LHFPL3: variants seen among roughly 807,000 people sequenced by gnomAD.
LHFPL3 encodes the protein LHFPL tetraspan subfamily member 3.
Under a neutral mutation model 19.3 loss-of-function variants are expected in LHFPL3, and 5 were observed. That is an observed-to-expected ratio of 0.26 (90% CI 0.14 to 0.54). LHFPL3 has a LOEUF of 0.54. Ranked by LOEUF, LHFPL3 falls within the 20% of genes least tolerant of loss-of-function variation. The probability of loss-of-function intolerance (pLI) is 0.94; values close to 1 mark genes in which losing one functional copy is unlikely to be tolerated. For missense variants in LHFPL3, 249 were observed against 307.4 expected (o/e 0.81, Z 1.42); for synonymous variants, 133 against 126.2 (o/e 1.05, Z -0.36).
chr7:104,746,311 CA>C (rs547925139), intron 2 of LHFPL3, among the ~76,000 whole-genome samples: 14 of 146,782 alleles, frequency 9.5e-5, no homozygotes, highest in African/African-American at 2.5e-4. Context: ...GACTCCATCT[CA>C]AAAAAAAAAG....
At position 104,515,218 on chromosome 7, in the gene LHFPL3, C is replaced by T. The variant is rs547827262; in HGVS notation, c.445+185994C>T. Among the ~76,000 whole-genome samples, 2 of 152,306 alleles carry T rather than the reference C, an allele frequency of 1.3e-5. 1 individual carries two copies. The highest frequency in any genetic ancestry group is 4.8e-5 in the African/African-American group (2 of 41,578). On this transcript the variant is annotated intron_variant, in intron 1 of 2. Coordinates refer to ENST00000424859, the MANE Select transcript of LHFPL3 (RefSeq NM_199000.3). ...TCAAAATAGCAGTTTAAAAACACAT[C>T]TTTCCATCCAAATGCCCAGGGGGAT... is the stretch of plus-strand genomic sequence containing the variant.
At chr7:104,521,361 C>T (rs1461732790) in intron 1 of LHFPL3, among the ~76,000 whole-genome samples, 1 of 152,124 alleles carries the variant, frequency 6.6e-6, no homozygotes, top group Non-Finnish European at 1.5e-5. Context: ...GAGTGCTTTA[C>T]TTCCAAGTAT....
intron 1 of LHFPL3, among the ~76,000 whole-genome samples, chr7:104,365,023 G>T (rs1469224387): frequency 2.0e-5 from 3 of 152,158 alleles, no homozygotes; most frequent in Non-Finnish European, 4.4e-5. Context: ...GAGCAGGCTG[G>T]GTGTGGTGGC....
At chr7:104,504,501 A>T (rs536465169) in intron 1 of LHFPL3, among the ~76,000 whole-genome samples, 2 of 152,318 alleles carry the variant, frequency 1.3e-5, no homozygotes, top group South Asian at 2.1e-4. Flanking sequence ...AAAAATATCA[A>T]TGTTATTTTG....
chr7:104,868,187 C>A (rs2116652551), intron 2 of LHFPL3, among the ~76,000 whole-genome samples: 1 of 152,234 alleles, frequency 6.6e-6, no homozygotes, highest in Non-Finnish European at 1.5e-5. Flanking sequence ...GATGCCCTCT[C>A]TCACCACTCC....
At chr7:104,712,889 A>G (rs1793322095) in intron 1 of LHFPL3, among the ~76,000 whole-genome samples, 1 of 152,282 alleles carries the variant, frequency 6.6e-6, no homozygotes, top group Non-Finnish European at 1.5e-5. Context: ...ATGAAATCAC[A>G]AAACCACAAT....
chr7:104,682,640 G>A (rs1363683551), intron 1 of LHFPL3, among the ~76,000 whole-genome samples: 1 of 152,178 alleles, frequency 6.6e-6, no homozygotes, highest in Non-Finnish European at 1.5e-5. Flanking sequence ...GAATGGGACT[G>A]TGCCAGCTGG....
chr7:104,750,834 G>A (rs1794151851), intron 2 of LHFPL3, among the ~76,000 whole-genome samples: 1 of 152,098 alleles, frequency 6.6e-6, no homozygotes, highest in Non-Finnish European at 1.5e-5. Context: ...TGGGGCCTGA[G>A]GCTGGCCCCT....
chr7:104,814,973 A>G (rs1419278834), intron 2 of LHFPL3, among the ~76,000 whole-genome samples: 47 of 152,110 alleles, frequency 3.1e-4, no homozygotes, highest in Admixed American at 3.1e-3. Context: ...CCATAGCTGC[A>G]GTTTGGGGCA....
At chr7:104,352,332 A>G (rs1300511546) in intron 1 of LHFPL3, among the ~76,000 whole-genome samples, 5 of 152,202 alleles carry the variant, frequency 3.3e-5, no homozygotes, top group African/African-American at 1.2e-4. Flanking sequence ...ACCATTTTAC[A>G]TATAAAATAC....
At chr7:104,517,789 T>C (rs1191745042) in intron 1 of LHFPL3, among the ~76,000 whole-genome samples, 2 of 152,110 alleles carry the variant, frequency 1.3e-5, no homozygotes, top group Non-Finnish European at 2.9e-5. Context: ...ATTACAGGCA[T>C]GAGTGACCAT....
intron 1 of LHFPL3, among the ~76,000 whole-genome samples, chr7:104,646,686 G>A (rs1791941722): frequency 6.6e-6 from 1 of 152,160 alleles, no homozygotes; most frequent in Non-Finnish European, 1.5e-5. Flanking sequence ...AATTATAGGG[G>A]ACTGAGCTAT....
intron 1 of LHFPL3, among the ~76,000 whole-genome samples, chr7:104,581,773 G>C (rs1584416130): frequency 6.6e-6 from 1 of 151,896 alleles, no homozygotes; most frequent in South Asian, 2.1e-4. Flanking sequence ...TGGCATGTCT[G>C]TCAAAACAGT....
intron 1 of LHFPL3, among the ~76,000 whole-genome samples, chr7:104,646,386 C>T (rs1386571045): frequency 6.6e-6 from 1 of 152,172 alleles, no homozygotes; most frequent in Non-Finnish European, 1.5e-5. Context: ...CTATCATCAA[C>T]ATCATTGTGA....
intron 1 of LHFPL3, among the ~76,000 whole-genome samples, chr7:104,690,294 G>A (rs1792883802): frequency 6.6e-6 from 1 of 152,236 alleles, no homozygotes; most frequent in Non-Finnish European, 1.5e-5. Context: ...CCACTGATTT[G>A]GCAAATGTCT....
chr7:104,574,323 C>A (rs907571040), intron 1 of LHFPL3, among the ~76,000 whole-genome samples: 16 of 152,140 alleles, frequency 1.1e-4, no homozygotes, highest in African/African-American at 3.9e-4. Context: ...ACGAAGGGGG[C>A]AGGGACAGGG....
At chr7:104,476,250 T>C (rs992581875) in intron 1 of LHFPL3, among the ~76,000 whole-genome samples, 8 of 152,144 alleles carry the variant, frequency 5.3e-5, no homozygotes, top group Admixed American at 3.3e-4. Context: ...AGATGTAAAA[T>C]AGCAAAATAA....
intron 2 of LHFPL3, chr7:104,845,426 C>A: frequency 6.5e-7 from 1 of 1,536,088 alleles, no homozygotes; most frequent in South Asian, 1.2e-5. Context: ...TGAGACCACA[C>A]CATGTAAGTG....
chr7:104,548,302 T>G (rs887282384), intron 1 of LHFPL3, among the ~76,000 whole-genome samples: 2 of 152,092 alleles, frequency 1.3e-5, no homozygotes, highest in Non-Finnish European at 2.9e-5. Context: ...TTCAATAAAA[T>G]GAAAGTAAGA....
Sources: gnomAD v4.1 joint callset for allele counts (sites outside exome capture counted in the v4.1 genomes callset) on GRCh38, gnomAD v4.1.1 for gene constraint, MANE v1.5 for transcripts, NCBI Gene and HGNC (gene_info 2026-07-23, HGNC 2026-07-21) for gene names.